Variants in NREP observed in about 807,000 individuals in gnomAD.
NREP encodes the protein neuronal regeneration-related protein.
In NREP, 5 loss-of-function variants were observed where a neutral mutation model predicts 8.6. The ratio of observed to expected loss-of-function variants is 0.58; its 90% CI spans 0.30 to 1.22. The LOEUF is 1.22. Among genes scored for constraint, NREP ranks in the 50% most tolerant of loss-of-function variants. The pLI, the probability that NREP is intolerant of heterozygous loss-of-function variation, is 0.07. For synonymous variants in NREP, 27 were observed against 28.0 expected (o/e 0.96, Z 0.11); for missense variants, 86 against 82.5 (o/e 1.04, Z -0.17).
At chr5:111,843,650 T>C (rs1753087279) in intron 2 of NREP, among the ~76,000 whole-genome samples, 2 of 152,140 alleles carry the variant, frequency 1.3e-5, no homozygotes, top group African/African-American at 4.8e-5. Context: ...TGTGTTGATG[T>C]TTGAGCATTT....
At chr5:111,948,591 T>A (rs1243215098) in intron 2 of NREP, among the ~76,000 whole-genome samples, 1 of 152,096 alleles carries the variant, frequency 6.6e-6, no homozygotes, top group Non-Finnish European at 1.5e-5. Context: ...CAACTGTGCC[T>A]AACGGCCATG....
intron 2 of NREP, among the ~76,000 whole-genome samples, chr5:111,926,777 A>G (rs1005775506): frequency 6.6e-6 from 1 of 151,852 alleles, no homozygotes; most frequent in African/African-American, 2.4e-5. Context: ...GTAGAGGAAG[A>G]CAGTGGGGGC....
chr5:111,949,362 ATT>A (rs5870477), intron 2 of NREP, among the ~76,000 whole-genome samples: 211 of 150,096 alleles, frequency 1.4e-3, no homozygotes, highest in East Asian at 0.01. Context: ...AGCCCTAGGG[ATT>A]TTTTTTTTTA....
At chr5:111,887,547 G>T (rs2112527894) in intron 2 of NREP, among the ~76,000 whole-genome samples, 1 of 152,308 alleles carries the variant, frequency 6.6e-6, no homozygotes. Flanking sequence ...TGGGACAGAT[G>T]CCTTGCACAA....
chr5:111,845,842 AG>A (rs1387167643), intron 2 of NREP, among the ~76,000 whole-genome samples: 1 of 151,608 alleles, frequency 6.6e-6, no homozygotes, highest in East Asian at 1.9e-4. Context: ...GGTTTTCTTT[AG>A]GAAGTAATTC....
intron 3 of NREP, among the ~76,000 whole-genome samples, chr5:111,731,439 A>AAG (rs1282630003): frequency 2.0e-5 from 3 of 151,628 alleles, no homozygotes; most frequent in Non-Finnish European, 4.4e-5. Flanking sequence ...ATAAAAAAAA[A>AAG]AAAAAAGAGT....
chr5:111,855,799 AG>A (rs772735780), intron 2 of NREP, among the ~76,000 whole-genome samples: 4 of 152,114 alleles, frequency 2.6e-5, no homozygotes, highest in Non-Finnish European at 5.9e-5. Flanking sequence ...CAAATCACAC[AG>A]GGCCAACCTC....
chr5:111,952,778 C>A (rs145051623), intron 2 of NREP, among the ~76,000 whole-genome samples: 283 of 152,102 alleles, frequency 1.9e-3, no homozygotes, highest in African/African-American at 6.5e-3. Context: ...TGTTATTGTC[C>A]TGTAGTTATG....
intron 2 of NREP, among the ~76,000 whole-genome samples, chr5:111,951,926 C>T (rs990355015): frequency 6.6e-6 from 1 of 152,016 alleles, no homozygotes; most frequent in Non-Finnish European, 1.5e-5. Context: ...GGCTAAGGCA[C>T]AAAAGTGGAT....
At chr5:111,954,584 T>C (rs192474102) in intron 2 of NREP, among the ~76,000 whole-genome samples, 32 of 152,246 alleles carry the variant, frequency 2.1e-4, no homozygotes, top group Non-Finnish European at 2.9e-5. Flanking sequence ...TGCCCACTGT[T>C]AGATTGGAAA....
intron 2 of NREP, among the ~76,000 whole-genome samples, chr5:111,887,146 G>A (rs879515800): frequency 8.6e-5 from 13 of 151,980 alleles, no homozygotes; most frequent in Non-Finnish European, 1.9e-4. Flanking sequence ...CTGGTCTCGA[G>A]CTCTTGGGTT....
intron 2 of NREP, among the ~76,000 whole-genome samples, chr5:111,885,457 C>A (rs1390255396): frequency 1.3e-5 from 2 of 152,100 alleles, no homozygotes; most frequent in Non-Finnish European, 2.9e-5. Context: ...ACTTTCTTCA[C>A]AGAATTGGAA....
chr5:111,825,757 TCA>T (rs1475046842), intron 2 of NREP, among the ~76,000 whole-genome samples: 1 of 152,100 alleles, frequency 6.6e-6, no homozygotes, highest in Non-Finnish European at 1.5e-5. Flanking sequence ...CTATCTACCA[TCA>T]CAGTGGTTCC....
intron 2 of NREP, among the ~76,000 whole-genome samples, chr5:111,869,691 G>T (rs950679036): frequency 2.0e-5 from 3 of 152,142 alleles, no homozygotes; most frequent in African/African-American, 4.8e-5. Context: ...CAATGGATTT[G>T]CTTGGAAGGG....
At chr5:111,840,783 A>T (rs1424281627) in intron 2 of NREP, among the ~76,000 whole-genome samples, 1 of 152,322 alleles carries the variant, frequency 6.6e-6, no homozygotes, top group Non-Finnish European at 1.5e-5. Flanking sequence ...GTAAGCAAAT[A>T]GGAATAGTAA....
At chr5:111,752,602 A>G (rs942953902) in intron 2 of NREP, among the ~76,000 whole-genome samples, 1 of 152,232 alleles carries the variant, frequency 6.6e-6, no homozygotes, top group African/African-American at 2.4e-5. Context: ...AAGCCCATGA[A>G]TGCCACTTCA....
At chr5:111,801,185 T>C (rs777136908) in intron 2 of NREP, among the ~76,000 whole-genome samples, 9 of 152,258 alleles carry the variant, frequency 5.9e-5, no homozygotes, top group Non-Finnish European at 1.2e-4. Context: ...AGAGAAAGAA[T>C]TTACAATTAC....
chr5:111,964,084 C>T (rs1395348515), intron 2 of NREP, among the ~76,000 whole-genome samples: 1 of 152,182 alleles, frequency 6.6e-6, no homozygotes, highest in Non-Finnish European at 1.5e-5. Flanking sequence ...TTTTGTACCT[C>T]CTTCTTCCCT....
chr5:111,969,230 G>A (rs1756733428), intron 2 of NREP, among the ~76,000 whole-genome samples: 2 of 152,202 alleles, frequency 1.3e-5, no homozygotes, highest in Admixed American at 6.5e-5. Flanking sequence ...CACATTTACA[G>A]ATTTCAAGAT....
Sources: gnomAD v4.1 joint callset for allele counts (sites outside exome capture counted in the v4.1 genomes callset) on GRCh38, gnomAD v4.1.1 for gene constraint, MANE v1.5 for transcripts, NCBI Gene and HGNC (gene_info 2026-07-23, HGNC 2026-07-21) for gene names.